PLCH2: variants seen among roughly 807,000 people sequenced by gnomAD.
PLCH2 encodes 1-phosphatidylinositol 4,5-bisphosphate phosphodiesterase eta-2.
A neutral mutation model predicts 134.7 loss-of-function variants in PLCH2; 98 were observed. That is an observed-to-expected ratio of 0.73 (90% confidence interval 0.62 to 0.86). The LOEUF is 0.86. Among genes scored for constraint, PLCH2 ranks in the 40% least tolerant of loss-of-function variants. The probability of loss-of-function intolerance (pLI) is 0.00; values close to 1 mark genes in which losing one functional copy is unlikely to be tolerated. For missense variants in PLCH2, 1,994 were observed against 1,986.6 expected, an observed-to-expected ratio of 1.00 and a Z score of -0.07; for synonymous variants, 974 against 827.5, an observed-to-expected ratio of 1.18 and a Z score of -3.04.
upstream of PLCH2, among the ~76,000 whole-genome samples, chr1:2,465,741 G>A (rs943395771): frequency 7.0e-4 from 107 of 152,336 alleles, 1 homozygote; most frequent in African/African-American, 2.1e-3. Flanking sequence ...CCGCGGTGAC[G>A]GAAATCATCT....
intron 1 of PLCH2, among the ~76,000 whole-genome samples, chr1:2,427,428 C>T (rs1480313960): frequency 6.6e-6 from 1 of 152,218 alleles, no homozygotes; most frequent in Non-Finnish European, 1.5e-5. Context: ...CTCTCTGGGC[C>T]TCAATCTCTC....
rs757411072 is a variant in PLCH2 at position 2,498,569 on chromosome 1, G to A, written c.2271G>A (p.Lys757=). The part of the protein sequence containing the change: ...NSEDPLPGQL[K]KQLVLRIISG... Reference sequence around the variant, plus strand: ...AGGACCCCCTGCCCGGGCAGCTCAAGAAGCAGCTGGTGCTCCGGATCATCA... The same window carrying A: ...AGGACCCCCTGCCCGGGCAGCTCAAAAAGCAGCTGGTGCTCCGGATCATCA... The change falls in exon 17 of 22, where the codon AAG becomes AAA. Residue 757 remains lysine (K), a synonymous_variant. Coordinates refer to ENST00000378486, the MANE Select transcript of PLCH2 (RefSeq NM_014638.4). The surrounding 1 kb of genome is among the most constrained non-coding windows in gnomAD (Gnocchi z 5.4). 2 of 1,605,818 alleles carry A rather than the reference G, an allele frequency of 1.2e-6. No individual in the cohort carries two copies. The highest frequency in any genetic ancestry group is 3.4e-5 in the Admixed American group (2 of 59,542).
chr1:2,466,198 C>T (rs2100603399), upstream of PLCH2, among the ~76,000 whole-genome samples: 1 of 152,318 alleles, frequency 6.6e-6, no homozygotes, highest in South Asian at 2.1e-4. Flanking sequence ...AGACCTGGGG[C>T]CCAGAGGGAG....
At chr1:2,417,214 G>A in the PLCH2 span, among the ~76,000 whole-genome samples, 1 of 152,168 alleles carries the variant, frequency 6.6e-6, no homozygotes, top group Admixed American at 6.5e-5. Context: ...GTGTGCAGCT[G>A]TCATCTGGGG....
chr1:2,440,876 T>A (rs1406657141), intron 2 of PLCH2, among the ~76,000 whole-genome samples: 1 of 152,234 alleles, frequency 6.6e-6, no homozygotes, highest in Non-Finnish European at 1.5e-5. Flanking sequence ...CCCTGGTGCT[T>A]GGCCACGTCC....
intron 21 of PLCH2, 108 bp downstream of exon 21, chr1:2,502,517 G>A: frequency 1.7e-6 from 2 of 1,167,200 alleles, no homozygotes; most frequent in Non-Finnish European, 1.3e-6. Flanking sequence ...CATGAAGTGT[G>A]TGGTGGGATC....
At chr1:2,460,518 G>A (rs1457556203) in intron 2 of PLCH2, among the ~76,000 whole-genome samples, 1 of 152,264 alleles carries the variant, frequency 6.6e-6, no homozygotes, top group African/African-American at 2.4e-5. Context: ...TGAGAACCGA[G>A]TCTGAGGACT....
chr1:2,432,002 C>A (rs974253349), intron 2 of PLCH2, among the ~76,000 whole-genome samples: 1 of 152,170 alleles, frequency 6.6e-6, no homozygotes, highest in Admixed American at 6.5e-5. Context: ...GGGCCTCTGG[C>A]CTGCTCCAGG....
At chr1:2,429,066 G>A (rs1417573502) in intron 1 of PLCH2, among the ~76,000 whole-genome samples, 2 of 152,228 alleles carry the variant, frequency 1.3e-5, no homozygotes, top group Non-Finnish European at 2.9e-5. Flanking sequence ...TGAGGCTGGA[G>A]GGCCAGGGCC....
intron 1 of PLCH2, among the ~76,000 whole-genome samples, chr1:2,426,444 C>T (rs1034133165): frequency 3.3e-5 from 5 of 152,230 alleles, no homozygotes; most frequent in Non-Finnish European, 7.3e-5. Context: ...GTCCCTGGTT[C>T]GGGGCTGCCG....
rs148560510 is a variant in PLCH2, at chr1:2,502,203, G to T, written c.2753G>T (p.Arg918Leu). 2.7e-4 allele frequency: 412 copies of T among 1,537,530 alleles called. No individual in the cohort carries two copies. The African/African-American group carries it at 3.3e-3, about 12-fold the overall frequency. Residue 918 changes from arginine to leucine, a missense_variant, in exon 21 of 22, where the codon CGG becomes CTG. Arg to Leu is a moderately radical substitution (Grantham distance 102). Around this residue, in one of 2 missense-constraint regions of PLCH2, gnomAD observed 900 missense variants for 752.3 expected, o/e 1.20. Transcript: ENST00000378486. Reference protein sequence around the residue: ...DSHAAGRPPARPSVSQRILRR... With the variant: ...DSHAAGRPPALPSVSQRILRR... Reference sequence around the variant, plus strand: ...CATGCTGCTGGGCGGCCCCCGGCCCGGCCCTCCGTTAGCCAGCGGATCCTG... The same window carrying T: ...CATGCTGCTGGGCGGCCCCCGGCCCTGCCCTCCGTTAGCCAGCGGATCCTG...
At chr1:2,418,516 C>G in the PLCH2 span, among the ~76,000 whole-genome samples, 1 of 152,236 alleles carries the variant, frequency 6.6e-6, no homozygotes, top group Non-Finnish European at 1.5e-5. Context: ...CTCCCTCGGA[C>G]GGCTGAATGG....
At chr1:2,482,239 G>A (rs1488558432) in intron 4 of PLCH2, among the ~76,000 whole-genome samples, 3 of 152,208 alleles carry the variant, frequency 2.0e-5, no homozygotes. Flanking sequence ...GGCTCACCCT[G>A]GCACATAGCC....
intron 18 of PLCH2, 58 bp from the exon 19 acceptor site, chr1:2,499,026 G>C: frequency 1.3e-6 from 2 of 1,563,062 alleles, no homozygotes; most frequent in Non-Finnish European, 1.7e-6. Context: ...CTCCAGGCTG[G>C]AGCGGTGCTG....
At chr1:2,483,809 G>T (rs867244179) in intron 4 of PLCH2, among the ~76,000 whole-genome samples, 4 of 108,934 alleles carry the variant, frequency 3.7e-5, no homozygotes, top group Admixed American at 2.9e-4. Flanking sequence ...ACCCCCGTGT[G>T]GGGGTGGCGC....
chr1:2,459,829 C>G (rs1002082182), intron 2 of PLCH2, among the ~76,000 whole-genome samples: 1 of 152,260 alleles, frequency 6.6e-6, no homozygotes, highest in Non-Finnish European at 1.5e-5. Context: ...CACGCAGGAC[C>G]GGCCGGCCGT....
At chr1:2,436,546 C>CCCTTCCTCCCTCCACCTTTCCT (rs1274072984) in intron 2 of PLCH2, among the ~76,000 whole-genome samples, 18 of 25,600 alleles carry the variant, frequency 7.0e-4, no homozygotes, top group African/African-American at 1.2e-3. Context: ...CCTCCCTCCT[C>CCCTTCCTCCCTCCACCTTTCCT]CCTTCCTCCC....
rs1643396400 is a variant in PLCH2 at position 2,504,150 on chromosome 1, G to C, written c.3188G>C (p.Gly1063Ala). The C allele has an allele frequency of 6.6e-7, 1 of 1,522,834 alleles. No homozygotes were observed. The highest frequency in any genetic ancestry group is 1.8e-4 in the Middle Eastern group (1 of 5,578). 94.3% of individuals were successfully genotyped at this position (1,522,834 alleles called of 1,614,324 possible). A position where few individuals can be genotyped will look rare whatever the true frequency, so the allele number is the denominator to read the frequency against. Residue 1063 changes from glycine to alanine, a missense_variant, in exon 22 of 22, where the codon GGC becomes GCC. Gly to Ala is a moderately conservative substitution (Grantham distance 60, BLOSUM62 0). Coordinates refer to ENST00000378486, the MANE Select transcript of PLCH2 (RefSeq NM_014638.4). ...DSRPRPCNGE[G>A]AGGAYERAPG... is the part of the protein sequence containing the mutation. ...AGGCCTCGGCCGTGCAACGGCGAGG[G>C]CGCCGGCGGGGCATACGAGAGGGCC...
At chr1:2,462,116 A>AC (rs1166042076) in intron 2 of PLCH2, among the ~76,000 whole-genome samples, 2 of 51,780 alleles carry the variant, frequency 3.9e-5, no homozygotes, top group East Asian at 7.0e-4. Context: ...TCCGCCTGAC[A>AC]CCCCTCCGCC....
Sources: allele counts gnomAD v4.1 joint callset (sites outside exome capture counted in the v4.1 genomes callset), GRCh38; gene constraint gnomAD v4.1.1; regional missense constraint gnomAD v4.1.1; non-coding constraint Gnocchi (gnomAD v3.1); transcripts MANE v1.5; gene names NCBI Gene and HGNC (gene_info 2026-07-23, HGNC 2026-07-21).